Variants in RPRD1B observed in about 807,000 individuals in gnomAD.
RPRD1B encodes the protein regulation of nuclear pre-mRNA domain-containing protein 1B.
A neutral mutation model predicts 41.5 loss-of-function variants in RPRD1B; 11 were observed. The ratio of observed to expected loss-of-function variants is 0.27; its 90% CI spans 0.17 to 0.44. RPRD1B has a LOEUF of 0.44. Among genes scored for constraint, RPRD1B ranks in the 20% least tolerant of loss-of-function variants. RPRD1B has a pLI of 1.00. For synonymous variants in RPRD1B, 158 were observed against 155.6 expected (o/e 1.02, Z -0.12); for missense variants, 248 against 389.9 (o/e 0.64, Z 3.06).
At chr20:38,045,012 A>G (rs1342080631) in intron 2 of RPRD1B, among the ~76,000 whole-genome samples, 1 of 152,204 alleles carries the variant, frequency 6.6e-6, no homozygotes, top group African/African-American at 2.4e-5. Context: ...CTGGCTTTGC[A>G]GGGACTCAGG....
At chr20:38,053,951 G>A (rs567802729) in intron 3 of RPRD1B, among the ~76,000 whole-genome samples, 33 of 152,162 alleles carry the variant, frequency 2.2e-4, no homozygotes, top group East Asian at 5.8e-4. Context: ...TATCCGTAGC[G>A]GTCCTGGAAC....
chr20:38,076,859 C>G (rs925208039), intron 6 of RPRD1B, among the ~76,000 whole-genome samples: 1 of 143,292 alleles, frequency 7.0e-6, no homozygotes, highest in Non-Finnish European at 1.5e-5. Flanking sequence ...TTCTCCATGC[C>G]TTTATTGTAA....
At position 38,066,107 on chromosome 20, in the gene RPRD1B, A is replaced by G; in HGVS notation, c.682A>G (p.Lys228Glu). ...TDKEAAERLS[K>E]TVDEACLLLA... is the part of the protein sequence containing the mutation. ...CAAAGAGGCAGCTGAACGTCTTTCA[A>G]AAACAGTAGATGAAGCATGTCTGTT... Residue 228 changes from lysine to glutamate, a missense_variant, in exon 6 of 7, where the codon AAA becomes GAA. Lys to Glu is a moderately conservative substitution (Grantham distance 56, BLOSUM62 1). This residue lies in a region of RPRD1B where 93 missense variants were observed against 167.2 expected (regional missense o/e 0.56). Transcript: ENST00000373433. The G allele has an allele frequency of 1.2e-6, 2 of 1,614,174 alleles. No homozygotes were observed. The highest frequency in any genetic ancestry group is 1.7e-6 in the Non-Finnish European group (2 of 1,180,018).
At position 38,053,033 on chromosome 20, in the gene RPRD1B, A is replaced by G. The variant is rs564862335; in HGVS notation, c.416-4499A>G. ...GAGACACAGGGACAAGTTGGAGGAT[A>G]GAATAGAAGGTGCCCAGTATGAGGA... On this transcript the variant is annotated intron_variant, in intron 3 of 6. Coordinates refer to ENST00000373433, the MANE Select transcript of RPRD1B (RefSeq NM_021215.4). Among the ~76,000 whole-genome samples the G allele has an allele frequency of 1.4e-4, 21 of 152,214 alleles. No homozygotes were observed. In the East Asian group the frequency reaches 1.9e-3, roughly 14 times the overall value.
chr20:38,053,330 T>C lies in RPRD1B; in HGVS notation c.416-4202T>C, dbSNP rs144180894. ...TGACTAGACTGACAATACCAGGCAC[T>C]ATAACTGCTGACTTCGTAGCAGTGA... On this transcript the variant is annotated intron_variant, in intron 3 of 6. Transcript: ENST00000373433. Among the ~76,000 whole-genome samples the C allele has an allele frequency of 7.1e-3, 1,080 of 152,338 alleles. 5 individuals carry two copies. Among genetic ancestry groups the C allele is most frequent in the African/African-American group, 0.021 (864 of 41,574 alleles).
intron 6 of RPRD1B, among the ~76,000 whole-genome samples, chr20:38,088,790 C>T (rs889196053): frequency 6.6e-6 from 1 of 152,222 alleles, no homozygotes. Context: ...AGGTACACAC[C>T]CTGTGTGAGG....
At position 38,033,919 on chromosome 20, in the gene RPRD1B, G is replaced by T. The variant is rs766640944; in HGVS notation, c.-29G>T. ...CCCGCCGCACTGGGCGGCCCAGGCC[G>T]CTCCCTGCCGGGCCTCACTGCCGCC... On this transcript the variant is annotated 5_prime_UTR_variant, in exon 1 of 7. Transcript: ENST00000373433. 6 of 1,587,692 alleles carry T rather than the reference G, an allele frequency of 3.8e-6. No individual in the cohort carries two copies. In the Admixed American group the frequency reaches 5.2e-5, roughly 14 times the overall value.
At chr20:38,054,792 C>T (rs565971984) in intron 3 of RPRD1B, among the ~76,000 whole-genome samples, 123 of 152,226 alleles carry the variant, frequency 8.1e-4, no homozygotes, top group Non-Finnish European at 9.7e-4. Flanking sequence ...CTTCTAGGTG[C>T]TTGAAAGCAA....
intron 2 of RPRD1B, among the ~76,000 whole-genome samples, chr20:38,044,320 T>C (rs1002674767): frequency 2.2e-4 from 34 of 152,042 alleles, no homozygotes; most frequent in African/African-American, 7.7e-4. Context: ...GGATTGGTCA[T>C]GTAGACACCC....
chr20:38,038,602 T>C (rs894100859), intron 1 of RPRD1B, among the ~76,000 whole-genome samples: 2 of 144,160 alleles, frequency 1.4e-5, no homozygotes, highest in African/African-American at 5.1e-5. Flanking sequence ...GCTCACCCCA[T>C]TGTCCTGCCT....
intron 2 of RPRD1B, among the ~76,000 whole-genome samples, chr20:38,047,458 A>G (rs2074132260): frequency 6.6e-6 from 1 of 152,176 alleles, no homozygotes; most frequent in South Asian, 2.1e-4. Context: ...CTTAGATACT[A>G]AGATGTCGAG....
At chr20:38,058,466 A>G (rs2074265647) in intron 4 of RPRD1B, among the ~76,000 whole-genome samples, 1 of 152,204 alleles carries the variant, frequency 6.6e-6, no homozygotes, top group Admixed American at 6.5e-5. Context: ...AGGGTAATCT[A>G]ACTACCATCT....
chr20:38,056,113 G>T (rs933834233), intron 3 of RPRD1B, among the ~76,000 whole-genome samples: 3 of 152,138 alleles, frequency 2.0e-5, no homozygotes, highest in African/African-American at 7.2e-5. Context: ...TTGGCCAGGC[G>T]TGATGGCTCA....
chr20:38,047,049 T>C (rs1343581076), intron 2 of RPRD1B, among the ~76,000 whole-genome samples: 23 of 152,150 alleles, frequency 1.5e-4, no homozygotes, highest in Admixed American at 1.3e-3. Flanking sequence ...TTGGGCCAGA[T>C]TGATAGCAGA....
In RPRD1B at chr20:38,089,991, C is replaced by G. The variant is rs138935651; in HGVS notation, c.*116C>G. The G allele has an allele frequency of 3.7e-4, 555 of 1,481,080 alleles. No homozygotes were observed. Among genetic ancestry groups the G allele is most frequent in the Non-Finnish European group, 4.7e-4 (528 of 1,120,660 alleles). 91.7% of individuals were successfully genotyped at this position (1,481,080 alleles called of 1,614,324 possible). A position where few individuals can be genotyped will look rare whatever the true frequency, so the allele number is the denominator to read the frequency against. On this transcript the variant is annotated 3_prime_UTR_variant, in exon 7 of 7. Coordinates refer to ENST00000373433, the MANE Select transcript of RPRD1B (RefSeq NM_021215.4). The stretch of plus-strand genomic sequence containing the variant: ...TCCCTTCTTCCGCCCAGCCCCCCAG[C>G]CTCAAGAAAGAACCTCAGACTCTGA...
At chr20:38,043,719 C>T (rs1359121103) in intron 2 of RPRD1B, among the ~76,000 whole-genome samples, 2 of 151,976 alleles carry the variant, frequency 1.3e-5, no homozygotes, top group East Asian at 1.9e-4. Context: ...GATTTATAGG[C>T]GTTGAGTGGG....
intron 3 of RPRD1B, among the ~76,000 whole-genome samples, chr20:38,053,318 A>G (rs1159388410): frequency 6.6e-6 from 1 of 152,240 alleles, no homozygotes; most frequent in East Asian, 1.9e-4. Context: ...CTAGACTGAC[A>G]ATACCAGGCA....
In RPRD1B at chr20:38,079,511, G is replaced by A. The variant is rs371613830; in HGVS notation, c.832-10215G>A. Among the ~76,000 whole-genome samples the A allele has an allele frequency of 6.1e-4, 92 of 152,042 alleles. 1 individual carries two copies. The South Asian group carries it at 0.011, about 19-fold the overall frequency. On this transcript the variant is annotated intron_variant, in intron 6 of 6. Transcript: ENST00000373433. ...TCCCAACTTATAAGTGAGAACATGC[G>A]GTATTTGGTTTGCCTCATCCATGTT...
chr20:38,059,075 C>T (rs2074271464), intron 4 of RPRD1B, among the ~76,000 whole-genome samples: 1 of 152,122 alleles, frequency 6.6e-6, no homozygotes, highest in African/African-American at 2.4e-5. Flanking sequence ...AATGATACAT[C>T]ATTTGAAATT....
Sources: allele counts gnomAD v4.1 joint callset (sites outside exome capture counted in the v4.1 genomes callset), GRCh38; gene constraint gnomAD v4.1.1; regional missense constraint gnomAD v4.1.1; transcripts MANE v1.5; gene names NCBI Gene and HGNC (gene_info 2026-07-23, HGNC 2026-07-21).